TULP2: variants seen among roughly 807,000 people sequenced by gnomAD.
TULP2 encodes TUB like protein 2, also known as tubby-related protein 2.
TULP2 carries 64 observed loss-of-function variants against 60.3 expected under a neutral mutation model. That is an observed-to-expected ratio of 1.06 (90% CI 0.87 to 1.31). The LOEUF (loss-of-function observed/expected upper bound fraction) is 1.31. Ranked by LOEUF, TULP2 falls within the 50% of genes most tolerant of loss-of-function variation. The pLI is 0.00. For missense variants in TULP2, 652 were observed against 667.0 expected (o/e 0.98, Z 0.25); for synonymous variants, 267 against 265.4 (o/e 1.01, Z -0.06).
intron 11 of TULP2, 39 bp downstream of exon 11, chr19:48,883,715 T>C (rs779707783): frequency 1.9e-6 from 3 of 1,608,288 alleles, no homozygotes; most frequent in Non-Finnish European, 2.6e-6. Context: ...CCCAGCCCCT[T>C]CTCCATTGAC....
At chr19:48,895,793 C>T (rs1008635860) in intron 4 of TULP2, among the ~76,000 whole-genome samples, 2 of 152,110 alleles carry the variant, frequency 1.3e-5, no homozygotes, top group African/African-American at 4.8e-5. Flanking sequence ...GCAGGAGAAT[C>T]GCTTGAACCC....
intron 8 of TULP2, 94 bp downstream of exon 8, chr19:48,887,855 GC>G (rs1397029953): frequency 7.2e-7 from 1 of 1,381,708 alleles, no homozygotes; most frequent in Non-Finnish European, 1.0e-6. Flanking sequence ...ACTGTGCCCA[GC>G]CCCAGGCTGG....
At chr19:48,882,407 A>G (rs1027416580) in intron 11 of TULP2, among the ~76,000 whole-genome samples, 4 of 152,196 alleles carry the variant, frequency 2.6e-5, no homozygotes, top group Non-Finnish European at 5.9e-5. Context: ...GACTGGTATC[A>G]CAATGTTAGA....
At chr19:48,885,142 C>G (rs578167402) in intron 9 of TULP2, among the ~76,000 whole-genome samples, 1 of 152,038 alleles carries the variant, frequency 6.6e-6, no homozygotes, top group East Asian at 1.9e-4. Flanking sequence ...CTCAAGTGAT[C>G]CTCCCGCCTC....
intron 6 of TULP2, among the ~76,000 whole-genome samples, chr19:48,890,949 G>A (rs755615642): frequency 6.6e-5 from 10 of 151,972 alleles, no homozygotes; most frequent in Non-Finnish European, 1.3e-4. Flanking sequence ...AAAAGGAAAC[G>A]TCACCACAAT....
intron 6 of TULP2, among the ~76,000 whole-genome samples, chr19:48,892,258 T>C (rs2037239885): frequency 6.6e-6 from 1 of 152,228 alleles, no homozygotes; most frequent in African/African-American, 2.4e-5. Flanking sequence ...TCCTGGACAA[T>C]GCCCAGGCTT....
chr19:48,884,158 C>T, intron 9 of TULP2, 112 bp from the exon 10 acceptor site: 3 of 856,062 alleles, frequency 3.5e-6, no homozygotes, highest in South Asian at 1.6e-5. Flanking sequence ...AGACTATGTC[C>T]GAATGTCTAA....
chr19:48,895,128 T>C lies in TULP2; in HGVS notation c.384A>G (p.Leu128=). 6.2e-7 allele frequency: 1 copy of C among 1,613,918 alleles called. No individual in the cohort carries two copies. Among genetic ancestry groups the C allele is most frequent in the Non-Finnish European group, 8.5e-7 (1 of 1,179,970 alleles). The change falls in exon 6 of 13, where the codon TTA becomes TTG. Residue 128 remains leucine (L), a synonymous_variant. Coordinates refer to ENST00000221399, the MANE Select transcript of TULP2 (RefSeq NM_003323.3). The part of the protein sequence containing the change: ...FRNLGLQSPF[L]SWLPDNSDAE... ...CATCGGAATTGTCTGGGAGCCAGGA[T>C]AAGAAAGGGGACTGGAGACCGAGAT...
At chr19:48,887,456 C>G (rs2037191599) in intron 8 of TULP2, among the ~76,000 whole-genome samples, 1 of 151,276 alleles carries the variant, frequency 6.6e-6, no homozygotes, top group East Asian at 1.9e-4. Flanking sequence ...TCCCGAGTAG[C>G]TTGGACTACA....
intron 4 of TULP2, among the ~76,000 whole-genome samples, chr19:48,895,900 C>A (rs2037274692): frequency 6.6e-6 from 1 of 152,040 alleles, no homozygotes; most frequent in African/African-American, 2.4e-5. Context: ...AAAAAATCAC[C>A]CTGTTTCGCG....
At position 48,895,365 on chromosome 19, in the gene TULP2, C is replaced by T. The variant is rs772672473; in HGVS notation, c.349+1G>A. 13 of 1,613,382 alleles carry T rather than the reference C, an allele frequency of 8.1e-6. No homozygotes were observed. The African/African-American group carries it at 1.6e-4, about 20-fold the overall frequency. On this transcript the variant is annotated splice_donor_variant, in intron 5 of 12. Transcript: ENST00000221399. LOFTEE classifies it high-confidence loss of function. ...TAGGAGGTCGGTGGACTCGCAAATA[C>T]CTGCTTCTGTCCGCGGTGTCGGGAG...
At chr19:48,894,969 AG>A in intron 6 of TULP2, 28 bp downstream of exon 6, 1 of 1,593,180 alleles carries the variant, frequency 6.3e-7, no homozygotes, top group Non-Finnish European at 8.5e-7. Context: ...AGGAGATCCC[AG>A]GTTTCACCCC....
intron 6 of TULP2, among the ~76,000 whole-genome samples, chr19:48,892,515 T>G (rs569109008): frequency 0.021 from 2,844 of 134,296 alleles, 32 homozygotes; most frequent in African/African-American, 0.041. Context: ...TTTTTTTTTT[T>G]GGGGGGGGGA....
chr19:48,887,078 T>C (rs1216572217), intron 8 of TULP2, among the ~76,000 whole-genome samples: 2 of 144,176 alleles, frequency 1.4e-5, no homozygotes, highest in African/African-American at 5.2e-5. Flanking sequence ...TGGTGTGAGA[T>C]CTCAGCTCAT....
At chr19:48,891,197 G>A (rs1214723375) in intron 6 of TULP2, among the ~76,000 whole-genome samples, 9 of 151,584 alleles carry the variant, frequency 5.9e-5, no homozygotes, top group South Asian at 4.2e-4. Context: ...GGTGGCCGGC[G>A]CCTGTAGTCC....
In TULP2 at chr19:48,897,526, G is replaced by A; in HGVS notation, c.33-130C>T. 1 of 930,362 alleles carries A rather than the reference G, an allele frequency of 1.1e-6. No individual in the cohort carries two copies. Among genetic ancestry groups the A allele is most frequent in the Non-Finnish European group, 1.7e-6 (1 of 594,728 alleles). The allele number at this position is 930,362 out of a possible 1,614,324, so 57.6% of individuals were successfully genotyped here. ...CACCTGTGAGGTCACAGGAGGTGCA[G>A]AACCTGAGCCTGCTCCACCAGTTAT... On this transcript the variant is annotated intron_variant, in intron 2 of 12. Transcript: ENST00000221399. The surrounding 1 kb of genome is among the most constrained non-coding windows in gnomAD (Gnocchi z 4.0).
Position 48,880,972 on chromosome 19 carries a change from A to G in TULP2, c.*39T>C. 4 of 1,543,152 alleles carry G rather than the reference A, an allele frequency of 2.6e-6. No homozygotes were observed. Among genetic ancestry groups the G allele is most frequent in the Non-Finnish European group, 3.6e-6 (4 of 1,117,260 alleles). On this transcript the variant is annotated 3_prime_UTR_variant, in exon 13 of 13. Transcript: ENST00000221399. ...AAATGAGGAGGCACAGAAGCTGGCA[A>G]GGGTATGGTATTTTATTGAGTTATT... is the stretch of plus-strand genomic sequence containing the variant.
At position 48,896,461 on chromosome 19, in the gene TULP2, A is replaced by C; in HGVS notation, c.180T>G (p.Cys60Trp). 1 of 1,610,962 alleles carries C rather than the reference A, an allele frequency of 6.2e-7. No individual in the cohort carries two copies. Among genetic ancestry groups the C allele is most frequent in the East Asian group, 2.2e-5 (1 of 44,678 alleles). ...PDASPWLWRS[C>W]LREERLLGDR... ...CACCTAAAAGGCGCTCCTCCCGCAG[A>C]CAAGAGCGCCAAAGCCACGGGGAAG... The change falls in exon 4 of 13, where the codon TGT (cysteine) becomes TGG (tryptophan). Residue 60 changes from cysteine to tryptophan, a missense_variant. Transcript: ENST00000221399.
intron 9 of TULP2, among the ~76,000 whole-genome samples, chr19:48,884,814 C>T (rs1281575577): frequency 6.6e-6 from 1 of 151,570 alleles, no homozygotes; most frequent in African/African-American, 2.4e-5. Context: ...ACCATGTTTC[C>T]AGCATCCATG....
Sources: allele counts gnomAD v4.1 joint callset (sites outside exome capture counted in the v4.1 genomes callset), GRCh38; gene constraint gnomAD v4.1.1; non-coding constraint Gnocchi (gnomAD v3.1); transcripts MANE v1.5; gene names NCBI Gene and HGNC (gene_info 2026-07-23, HGNC 2026-07-21).